CTNNA2: variants seen among roughly 807,000 people sequenced by gnomAD.
The protein encoded by CTNNA2 is catenin alpha 2, also known as catenin alpha-2.
In CTNNA2, 42 loss-of-function variants were observed where a neutral mutation model predicts 101.0. The ratio of observed to expected loss-of-function variants is 0.42; its 90% confidence interval spans 0.32 to 0.54. The LOEUF (loss-of-function observed/expected upper bound fraction) is 0.54. Among genes scored for constraint, CTNNA2 ranks in the 20% least tolerant of loss-of-function variants. The pLI, the probability that CTNNA2 is intolerant of heterozygous loss-of-function variation, is 0.14. For synonymous variants in CTNNA2, 450 were observed against 456.4 expected (o/e 0.99, Z 0.18); for missense variants, 871 against 1,223.1 (o/e 0.71, Z 4.29).
At chr2:80,291,358 A>G (rs1675219029) in intron 7 of CTNNA2, among the ~76,000 whole-genome samples, 1 of 152,198 alleles carries the variant, frequency 6.6e-6, no homozygotes, top group Admixed American at 6.5e-5. Flanking sequence ...AGACCTAAGA[A>G]AGAAAGGTCT....
chr2:80,031,824 G>A (rs1024255891), intron 7 of CTNNA2, among the ~76,000 whole-genome samples: 3 of 152,110 alleles, frequency 2.0e-5, no homozygotes, highest in South Asian at 2.1e-4. Flanking sequence ...ATTGATTTTG[G>A]TTACATCTGT....
At chr2:79,785,597 T>A (rs966038772) in intron 3 of CTNNA2, among the ~76,000 whole-genome samples, 1 of 152,196 alleles carries the variant, frequency 6.6e-6, no homozygotes, top group African/African-American at 2.4e-5. Context: ...TATTTATAAT[T>A]TGTTATTATC....
At chr2:79,392,527 A>G (rs895399852) in intron 4 of CTNNA2, among the ~76,000 whole-genome samples, 3 of 152,198 alleles carry the variant, frequency 2.0e-5, no homozygotes, top group Admixed American at 6.5e-5. Context: ...AGTCGTTTTC[A>G]TCATTTAATC....
chr2:80,386,836 T>G (rs747669628), intron 7 of CTNNA2, among the ~76,000 whole-genome samples: 28 of 152,214 alleles, frequency 1.8e-4, no homozygotes, highest in Non-Finnish European at 2.5e-4. Context: ...AAGGAAGTGA[T>G]AAACATCTAC....
At chr2:79,224,099 A>C (rs907534208) in intron 2 of CTNNA2, among the ~76,000 whole-genome samples, 2 of 152,184 alleles carry the variant, frequency 1.3e-5, no homozygotes, top group Non-Finnish European at 2.9e-5. Flanking sequence ...CACTTCTATC[A>C]ATTTCTTTTC....
chr2:79,751,593 CAAAAA>C (rs397985098), intron 3 of CTNNA2, among the ~76,000 whole-genome samples: 1 of 68,940 alleles, frequency 1.5e-5, no homozygotes, highest in Admixed American at 1.8e-4. Flanking sequence ...GACTCCATCT[CAAAAA>C]AAAAAAAAAA....
At chr2:79,906,710 G>A (rs1275051212) in intron 6 of CTNNA2, among the ~76,000 whole-genome samples, 1 of 152,122 alleles carries the variant, frequency 6.6e-6, no homozygotes, top group Non-Finnish European at 1.5e-5. Context: ...AGTCTCTCTT[G>A]TCACATTTCC....
At chr2:79,672,037 A>G (rs1682874503) in intron 2 of CTNNA2, among the ~76,000 whole-genome samples, 1 of 152,120 alleles carries the variant, frequency 6.6e-6, no homozygotes. Flanking sequence ...CTATTTTCTT[A>G]TTTTATTTTA....
At chr2:80,559,891 T>TTTTTATATATATATATATATATATAC (rs67796030) in intron 12 of CTNNA2, among the ~76,000 whole-genome samples, 1 of 146,888 alleles carries the variant, frequency 6.8e-6, no homozygotes, top group Admixed American at 6.7e-5. Flanking sequence ...TATATATATA[T>TTTTTATATATATATATATATATATAC]ACACACACAT....
At chr2:80,127,598 A>G (rs988611644) in intron 7 of CTNNA2, among the ~76,000 whole-genome samples, 2 of 152,214 alleles carry the variant, frequency 1.3e-5, no homozygotes, top group Non-Finnish European at 2.9e-5. Context: ...ATTTGACTCC[A>G]TACCCTAGCC....
chr2:80,290,898 G>A (rs1435064001), intron 7 of CTNNA2, among the ~76,000 whole-genome samples: 7 of 152,162 alleles, frequency 4.6e-5, no homozygotes, highest in East Asian at 1.9e-4. Flanking sequence ...CAGCAATGAC[G>A]TAAAACACTA....
At chr2:79,333,840 T>C (rs1472180455) in intron 3 of CTNNA2, among the ~76,000 whole-genome samples, 2 of 152,132 alleles carry the variant, frequency 1.3e-5, no homozygotes, top group African/African-American at 4.8e-5. Context: ...ACAAATAAAC[T>C]AGAGATGATC....
At chr2:79,994,456 T>C (rs1692401585) in intron 7 of CTNNA2, among the ~76,000 whole-genome samples, 1 of 152,160 alleles carries the variant, frequency 6.6e-6, no homozygotes, top group African/African-American at 2.4e-5. Context: ...GAGAGTGGCT[T>C]TTTGAAAGCG....
intron 1 of CTNNA2, chr2:79,514,572 T>C (rs944438725): frequency 2.0e-5 from 3 of 152,248 alleles, no homozygotes; most frequent in Non-Finnish European, 4.4e-5. Flanking sequence ...TTATACATGT[T>C]ATTGGCAATT....
Position 80,136,960 on chromosome 2 carries a change from G to A in CTNNA2, c.1056+227163G>A, listed in dbSNP as rs6719282. On this transcript the variant is annotated intron_variant, in intron 7 of 18. Coordinates refer to ENST00000402739, the MANE Select transcript of CTNNA2 (RefSeq NM_001282597.3). ...GGTGGCCTCTTCATTGCCTCCCTCC[G>A]TACAACATGTTTATGTTATCTTTAT... is the stretch of plus-strand genomic sequence containing the variant. Among the ~76,000 whole-genome samples, 556 of 152,158 alleles carry A rather than the reference G, an allele frequency of 3.7e-3. 2 individuals carry two copies. The highest frequency in any genetic ancestry group is 0.013 in the African/African-American group (539 of 41,510).
intron 7 of CTNNA2, among the ~76,000 whole-genome samples, chr2:80,152,654 G>C (rs1703778379): frequency 1.3e-5 from 2 of 150,976 alleles, no homozygotes. Context: ...AGAAATCAAA[G>C]AGATGCAAAT....
At chr2:80,163,113 T>C in intron 7 of CTNNA2, 3 of 1,578,618 alleles carry the variant, frequency 1.9e-6, no homozygotes, top group Non-Finnish European at 1.7e-6. Context: ...TTTACCATCC[T>C]TATCTTTTGG....
intron 3 of CTNNA2, among the ~76,000 whole-genome samples, chr2:79,348,210 T>C (rs1677307042): frequency 6.6e-6 from 1 of 152,206 alleles, no homozygotes; most frequent in Non-Finnish European, 1.5e-5. Flanking sequence ...TTAAAAGGAC[T>C]ATATTGTTCT....
At chr2:80,437,788 C>T (rs191737980) in intron 9 of CTNNA2, among the ~76,000 whole-genome samples, 1 of 152,350 alleles carries the variant, frequency 6.6e-6, no homozygotes, top group Non-Finnish European at 1.5e-5. Flanking sequence ...CACCTGAGGT[C>T]AGGAGTTCGA....
Sources: allele counts gnomAD v4.1 joint callset (sites outside exome capture counted in the v4.1 genomes callset), GRCh38; gene constraint gnomAD v4.1.1; transcripts MANE v1.5; gene names NCBI Gene and HGNC (gene_info 2026-07-23, HGNC 2026-07-21).